PRKD1: variants seen among roughly 807,000 people sequenced by gnomAD.
The protein encoded by PRKD1 is serine/threonine-protein kinase D1.
Under a neutral mutation model 95.9 loss-of-function variants are expected in PRKD1, and 63 were observed. The observed-to-expected ratio is 0.66, with a 90% CI of 0.54 to 0.81. The LOEUF (loss-of-function observed/expected upper bound fraction) is 0.81, where lower values mean the gene tolerates loss of function less well. Among genes scored for constraint, PRKD1 ranks in the 30% least tolerant of loss-of-function variants. The pLI, the probability that PRKD1 is intolerant of heterozygous loss-of-function variation, is 0.00. For synonymous variants in PRKD1, 425 were observed against 423.1 expected (o/e 1.00, Z -0.05); for missense variants, 1,048 against 1,165.3 (o/e 0.90, Z 1.47).
intron 1 of PRKD1, among the ~76,000 whole-genome samples, chr14:29,863,687 G>C (rs539423136): frequency 6.6e-6 from 1 of 152,150 alleles, no homozygotes; most frequent in East Asian, 1.9e-4. Context: ...ATTAACCAAA[G>C]TACATGAGGA....
rs567566233 is a variant in PRKD1 at position 29,816,184 on chromosome 14, A to C, written c.265-90510T>G. 4.7e-4 allele frequency among the ~76,000 whole-genome samples: 72 copies of C among 152,238 alleles called. No individual in the cohort carries two copies. The East Asian group carries it at 0.01, about 22-fold the overall frequency. On this transcript the variant is annotated intron_variant, in intron 1 of 17. Coordinates refer to ENST00000331968, the MANE Select transcript of PRKD1 (RefSeq NM_002742.3). ...AGTGAGCCGAGATCTTGCCACTGCA[A>C]TCCAGCCTGGGCAACAGAGCAAGAC...
chr14:29,866,548 GAAT>G (rs1210726016), intron 1 of PRKD1, among the ~76,000 whole-genome samples: 2 of 152,128 alleles, frequency 1.3e-5, no homozygotes, highest in Non-Finnish European at 2.9e-5. Context: ...GTGAGACAAA[GAAT>G]AAAATACAGT....
At chr14:29,684,121 C>G (rs568778908) in intron 2 of PRKD1, among the ~76,000 whole-genome samples, 21 of 151,534 alleles carry the variant, frequency 1.4e-4, no homozygotes, top group African/African-American at 5.1e-4. Context: ...CTAGACTCTT[C>G]CAGTATTTTT....
chr14:29,691,744 T>C (rs1368302015), intron 2 of PRKD1, among the ~76,000 whole-genome samples: 3 of 152,210 alleles, frequency 2.0e-5, no homozygotes, highest in East Asian at 3.9e-4. Flanking sequence ...GAAGAATTAG[T>C]TGGATTAGGT....
At chr14:29,907,951 C>T (rs1020385751) in intron 1 of PRKD1, among the ~76,000 whole-genome samples, 1 of 152,060 alleles carries the variant, frequency 6.6e-6, no homozygotes, top group Non-Finnish European at 1.5e-5. Context: ...CCAGTTCTTA[C>T]TAAAGAAGAG....
At chr14:29,654,636 A>G (rs1309046131) in intron 4 of PRKD1, among the ~76,000 whole-genome samples, 1 of 152,192 alleles carries the variant, frequency 6.6e-6, no homozygotes, top group Non-Finnish European at 1.5e-5. Flanking sequence ...AGCTTATACA[A>G]AGACATATAC....
At chr14:29,826,848 TATATATATATATATATATATATATA>T (rs1891209938) in intron 1 of PRKD1, among the ~76,000 whole-genome samples, 1 of 68,582 alleles carries the variant, frequency 1.5e-5, no homozygotes, top group Non-Finnish European at 2.6e-5. Flanking sequence ...TACACACATA[TATATATATATATATATATATATATA>T]TATGATGGAA....
rs1267551186 is a variant in PRKD1, at chr14:29,927,563, G to C, written c.-51C>G. ...AGCGGAGGGCGGGGGCTGGCGGCGC[G>C]GCAGCAGGAAAGTTTTGCAGCCGCT... On this transcript the variant is annotated 5_prime_UTR_variant, in exon 1 of 18. Coordinates refer to ENST00000331968, the MANE Select transcript of PRKD1 (RefSeq NM_002742.3). 3.6e-6 allele frequency: 4 copies of C among 1,120,710 alleles called. No individual in the cohort carries two copies. Among genetic ancestry groups the C allele is most frequent in the East Asian group, 1.0e-4 (2 of 19,774 alleles). 69.4% of individuals were successfully genotyped at this position (1,120,710 alleles called of 1,614,324 possible). A position where few individuals can be genotyped will look rare whatever the true frequency, so the allele number is the denominator to read the frequency against.
chr14:29,697,783 T>C (rs1415172935), intron 2 of PRKD1, among the ~76,000 whole-genome samples: 1 of 152,174 alleles, frequency 6.6e-6, no homozygotes, highest in Non-Finnish European at 1.5e-5. Context: ...AACAGTAAGC[T>C]TTAATGTATT....
intron 16 of PRKD1, among the ~76,000 whole-genome samples, chr14:29,581,625 T>C (rs1892759712): frequency 6.6e-6 from 1 of 152,166 alleles, no homozygotes; most frequent in Non-Finnish European, 1.5e-5. Flanking sequence ...TCATTGTAAG[T>C]GGATAATTAT....
At chr14:29,890,980 A>T (rs989563369) in intron 1 of PRKD1, among the ~76,000 whole-genome samples, 2 of 152,168 alleles carry the variant, frequency 1.3e-5, no homozygotes, top group African/African-American at 4.8e-5. Context: ...CATTTAACAT[A>T]AAATATACCT....
intron 1 of PRKD1, among the ~76,000 whole-genome samples, chr14:29,832,990 C>A (rs1891474191): frequency 6.6e-6 from 1 of 152,032 alleles, no homozygotes; most frequent in African/African-American, 2.4e-5. Flanking sequence ...CATAGTAACA[C>A]TTCCTATCTT....
intron 2 of PRKD1, among the ~76,000 whole-genome samples, chr14:29,668,838 G>T (rs1882676375): frequency 6.6e-6 from 1 of 152,124 alleles, no homozygotes; most frequent in Non-Finnish European, 1.5e-5. Context: ...GAGAGGAAAT[G>T]CTTAAGCAAT....
At chr14:29,627,928 T>C (rs1879732135) in intron 11 of PRKD1, among the ~76,000 whole-genome samples, 1 of 152,210 alleles carries the variant, frequency 6.6e-6, no homozygotes, top group African/African-American at 2.4e-5. Context: ...AAGTGTTCTT[T>C]AGGCTTTCCG....
Position 29,818,024 on chromosome 14 carries a change from TA to T in PRKD1, c.265-92351del, listed in dbSNP as rs772849121. ...AAGAGAGAAAAACAAATTAAAGTTG[TA>T]AAAAAAAATGGCATTTGACAGTATT... On this transcript the variant is annotated intron_variant, in intron 1 of 17. Transcript: ENST00000331968. Among the ~76,000 whole-genome samples the T allele has an allele frequency of 5.0e-4, 76 of 151,424 alleles. 1 individual carries two copies. The East Asian group carries it at 0.012, about 24-fold the overall frequency.
chr14:29,630,828 G>A lies in PRKD1; in HGVS notation c.1586C>T (p.Ala529Val). The change falls in exon 10 of 18, where the codon GCC becomes GTC. Residue 529 changes from alanine to valine, a missense_variant. Ala to Val is a moderately conservative substitution (Grantham distance 64, BLOSUM62 0). Around this residue, in one of 3 missense-constraint regions of PRKD1, gnomAD observed 739 missense variants for 861.9 expected, o/e 0.86. Coordinates refer to ENST00000331968, the MANE Select transcript of PRKD1 (RefSeq NM_002742.3). ...VLTSGVGADV[A>V]RMWEIAIQHA... ...CTGGATGGCTATCTCCCACATCCTG[G>A]CCACATCTGCACCAACGCCACTGGT... The A allele has an allele frequency of 6.2e-7, 1 of 1,614,106 alleles. No individual in the cohort carries two copies. The highest frequency in any genetic ancestry group is 8.5e-7 in the Non-Finnish European group (1 of 1,179,994).
rs1179497130 is a variant in PRKD1, at chr14:29,638,910, T to C, written c.697-6A>G. The C allele has an allele frequency of 6.2e-7, 1 of 1,613,376 alleles. No individual in the cohort carries two copies. The highest frequency in any genetic ancestry group is 8.5e-7 in the Non-Finnish European group (1 of 1,179,450). On this transcript the variant is annotated splice_region_variant and splice_polypyrimidine_tract_variant and intron_variant, in intron 4 of 17. Coordinates refer to ENST00000331968, the MANE Select transcript of PRKD1 (RefSeq NM_002742.3). ...GACTCTGATGGTGATTTTTGCTACATTTTGGAAAACAATAAAGGAAGCAAG... is the reference window on the plus strand; with the variant it reads ...GACTCTGATGGTGATTTTTGCTACACTTTGGAAAACAATAAAGGAAGCAAG...
intron 2 of PRKD1, among the ~76,000 whole-genome samples, chr14:29,698,876 T>C (rs1884675169): frequency 6.6e-6 from 1 of 152,102 alleles, no homozygotes; most frequent in Non-Finnish European, 1.5e-5. Context: ...GGGGATGAAG[T>C]AAAGAATGCC....
At chr14:29,825,083 G>T (rs1330343322) in intron 1 of PRKD1, among the ~76,000 whole-genome samples, 1 of 152,024 alleles carries the variant, frequency 6.6e-6, no homozygotes, top group Non-Finnish European at 1.5e-5. Context: ...AGAGATGTAA[G>T]ACTTTTAGTT....
Sources: gnomAD v4.1 joint callset for allele counts (sites outside exome capture counted in the v4.1 genomes callset) on GRCh38, gnomAD v4.1.1 for gene constraint, gnomAD v4.1.1 regional missense constraint, MANE v1.5 for transcripts, NCBI Gene and HGNC (gene_info 2026-07-23, HGNC 2026-07-21) for gene names.